The following FOXJ3 variants were observed in gnomAD, a reference collection of about 807,000 sequenced individuals.
The protein encoded by FOXJ3 is forkhead box J3.
FOXJ3 carries 22 observed loss-of-function variants against 76.1 expected under a neutral mutation model. The ratio of observed to expected loss-of-function variants is 0.29; its 90% CI spans 0.21 to 0.41. FOXJ3 has a LOEUF of 0.41. FOXJ3 is among the 10% of genes least tolerant of loss of function. FOXJ3 has a pLI of 1.00. For synonymous variants in FOXJ3, 269 were observed against 261.2 expected, an observed-to-expected ratio of 1.03 and a Z score of -0.29; for missense variants, 613 against 762.1, an observed-to-expected ratio of 0.80 and a Z score of 2.30.
chr1:42,330,737 A>T (rs906034939), intron 1 of FOXJ3, among the ~76,000 whole-genome samples: 1 of 152,224 alleles, frequency 6.6e-6, no homozygotes, highest in African/African-American at 2.4e-5. Context: ...TTTTTAAGTT[A>T]AAACAGCAGC....
rs573669816 is a variant in FOXJ3, at chr1:42,250,646, G to A, written c.444+14469C>T. ...AGCCTGGCCAACATGGAGAAACCCC[G>A]TCTCTACTAAAAATACAAAATTAGC... On this transcript the variant is annotated intron_variant, in intron 4 of 12. Transcript: ENST00000361346. Among the ~76,000 whole-genome samples, 11 of 151,832 alleles carry A rather than the reference G, an allele frequency of 7.2e-5. No individual in the cohort carries two copies. The South Asian group carries it at 1.7e-3, about 23-fold the overall frequency.
chr1:42,267,926 A>T (rs1280617992), intron 3 of FOXJ3, among the ~76,000 whole-genome samples: 4 of 152,108 alleles, frequency 2.6e-5, no homozygotes, highest in Non-Finnish European at 5.9e-5. Context: ...ATTTCCAAAC[A>T]GAGACTGGCA....
At chr1:42,188,994 A>G (rs1296384646) in intron 10 of FOXJ3, 66 bp from the exon 11 acceptor site, 3 of 1,082,292 alleles carry the variant, frequency 2.8e-6, no homozygotes, top group Non-Finnish European at 3.9e-6. Context: ...GAAAATAGCA[A>G]GACATAATTT....
intron 2 of FOXJ3, among the ~76,000 whole-genome samples, chr1:42,295,818 C>T (rs188959680): frequency 3.3e-5 from 5 of 152,286 alleles, no homozygotes; most frequent in Admixed American, 2.6e-4. Flanking sequence ...TGACCCACCG[C>T]ACCTGTCCAG....
chr1:42,310,977 G>A, intron 2 of FOXJ3, 73 bp downstream of exon 2: 1 of 831,316 alleles, frequency 1.2e-6, no homozygotes, highest in Non-Finnish European at 1.9e-6. Flanking sequence ...CAAATTCATT[G>A]TAATATGAGG....
chr1:42,189,161 C>G, intron 10 of FOXJ3, 142 bp downstream of exon 10: 1 of 684,438 alleles, frequency 1.5e-6, no homozygotes, highest in Non-Finnish European at 2.4e-6. Flanking sequence ...TACCAAGTGG[C>G]CAAAATTATT....
At chr1:42,249,230 A>G (rs1201655439) in intron 4 of FOXJ3, among the ~76,000 whole-genome samples, 1 of 152,210 alleles carries the variant, frequency 6.6e-6, no homozygotes, top group Non-Finnish European at 1.5e-5. Context: ...TTAAAATAGA[A>G]TGATTATAAA....
intron 1 of FOXJ3, among the ~76,000 whole-genome samples, chr1:42,325,224 T>A (rs1216517720): frequency 6.6e-6 from 1 of 152,202 alleles, no homozygotes; most frequent in Non-Finnish European, 1.5e-5. Context: ...TCTACCTCAG[T>A]AACAATTGCT....
intron 1 of FOXJ3, among the ~76,000 whole-genome samples, chr1:42,334,705 G>A (rs72962244): frequency 0.011 from 1,622 of 152,242 alleles, 28 homozygotes; most frequent in African/African-American, 0.037. Flanking sequence ...AGGTCATGGA[G>A]GGAAGGAGAC....
At chr1:42,259,092 C>A (rs909209349) in intron 4 of FOXJ3, among the ~76,000 whole-genome samples, 40 of 152,148 alleles carry the variant, frequency 2.6e-4, no homozygotes, top group African/African-American at 9.7e-4. Flanking sequence ...CTGATATGCA[C>A]AACGACATGG....
chr1:42,264,005 C>T (rs1416461861), intron 4 of FOXJ3, among the ~76,000 whole-genome samples: 1 of 122,070 alleles, frequency 8.2e-6, no homozygotes, highest in Non-Finnish European at 1.6e-5. Flanking sequence ...CTGGAGGGAT[C>T]GAGCCCAGCC....
At chr1:42,255,788 C>T (rs541529980) in intron 4 of FOXJ3, among the ~76,000 whole-genome samples, 72 of 152,108 alleles carry the variant, frequency 4.7e-4, no homozygotes, top group African/African-American at 1.5e-3. Flanking sequence ...TTTGGGAGGC[C>T]GAGGCAGGCA....
chr1:42,236,862 G>A (rs1248487834), intron 4 of FOXJ3, among the ~76,000 whole-genome samples: 4 of 152,182 alleles, frequency 2.6e-5, no homozygotes, highest in African/African-American at 9.7e-5. Flanking sequence ...CTGATGTGTG[G>A]TTGTGCCTCA....
chr1:42,249,041 T>C (rs1649800471), intron 4 of FOXJ3, among the ~76,000 whole-genome samples: 2 of 152,150 alleles, frequency 1.3e-5, no homozygotes, highest in Non-Finnish European at 2.9e-5. Flanking sequence ...CTGAGGATGG[T>C]GGCTTCCGGC....
intron 2 of FOXJ3, among the ~76,000 whole-genome samples, chr1:42,306,279 TCACTCTCTGAA>T (rs1442051910): frequency 1.4e-5 from 2 of 147,008 alleles, no homozygotes; most frequent in Non-Finnish European, 3.0e-5. Context: ...ATTACATCCA[TCACTCTCTGAA>T]CTTTTTTCTT....
At chr1:42,237,875 T>C (rs994185501) in intron 4 of FOXJ3, among the ~76,000 whole-genome samples, 7 of 151,420 alleles carry the variant, frequency 4.6e-5, no homozygotes, top group Non-Finnish European at 8.8e-5. Context: ...TATTGTAACA[T>C]TTCCCTACTG....
intron 5 of FOXJ3, among the ~76,000 whole-genome samples, chr1:42,209,558 A>AG (rs143434627): frequency 0.012 from 1,894 of 152,280 alleles, 35 homozygotes; most frequent in African/African-American, 0.043. Flanking sequence ...CCCACTAGGG[A>AG]GTCAGGCCAG....
intron 7 of FOXJ3, among the ~76,000 whole-genome samples, chr1:42,198,498 C>G (rs1207966879): frequency 6.6e-6 from 1 of 151,956 alleles, no homozygotes; most frequent in East Asian, 1.9e-4. Context: ...TATCTGCTCA[C>G]TGAGGAAGAC....
At chr1:42,206,141 A>G (rs76550081) in intron 5 of FOXJ3, 12,984 of 338,770 alleles carry the variant, frequency 0.038, 338 homozygotes, top group Non-Finnish European at 0.051. Context: ...AAAATTGCTA[A>G]TGATCCCCTA....
Sources: allele counts gnomAD v4.1 joint callset (sites outside exome capture counted in the v4.1 genomes callset), GRCh38; gene constraint gnomAD v4.1.1; transcripts MANE v1.5; gene names NCBI Gene and HGNC (gene_info 2026-07-23, HGNC 2026-07-21).